Variants in SULF1 observed in about 807,000 individuals in gnomAD.
The protein encoded by SULF1 is sulfatase 1, also known as extracellular sulfatase Sulf-1.
A neutral mutation model predicts 110.5 loss-of-function variants in SULF1; 46 were observed. That is an observed-to-expected ratio of 0.42 (90% CI 0.33 to 0.53). SULF1 has a LOEUF of 0.53. Ranked by LOEUF, SULF1 falls within the 20% of genes least tolerant of loss-of-function variation. The probability of loss-of-function intolerance (pLI) is 0.12; values close to 1 mark genes in which losing one functional copy is unlikely to be tolerated. For synonymous variants in SULF1, 371 were observed against 387.1 expected (o/e 0.96, Z 0.49); for missense variants, 941 against 1,094.2 (o/e 0.86, Z 1.98).
chr8:69,470,799 T>A (rs1411343258), intron 1 of SULF1, among the ~76,000 whole-genome samples: 1 of 152,196 alleles, frequency 6.6e-6, no homozygotes, highest in Non-Finnish European at 1.5e-5. Context: ...TGGCCCGAAC[T>A]TTCCAACCAT....
At chr8:69,590,270 TCCCAC>T (rs975167085) in intron 8 of SULF1, among the ~76,000 whole-genome samples, 1 of 152,146 alleles carries the variant, frequency 6.6e-6, no homozygotes, top group Non-Finnish European at 1.5e-5. Context: ...CAAACAATTC[TCCCAC>T]CTCAGGCTTC....
intron 5 of SULF1, among the ~76,000 whole-genome samples, chr8:69,565,532 T>C (rs149246595): frequency 3.3e-5 from 5 of 152,198 alleles, no homozygotes; most frequent in African/African-American, 1.2e-4. Context: ...ATCTCACCCA[T>C]CCATCGCTTT....
intron 22 of SULF1, among the ~76,000 whole-genome samples, chr8:69,645,418 GA>G (rs1379867320): frequency 6.6e-6 from 1 of 152,136 alleles, no homozygotes; most frequent in Non-Finnish European, 1.5e-5. Context: ...TATATAGGGG[GA>G]AAATGTGCCC....
chr8:69,623,667 C>G (rs72658282), intron 14 of SULF1, among the ~76,000 whole-genome samples: 1 of 152,168 alleles, frequency 6.6e-6, no homozygotes, highest in African/African-American at 2.4e-5. Context: ...CCTGGACTAA[C>G]CCCCTCACTT....
At chr8:69,527,663 CAGAT>C (rs144449545) in intron 3 of SULF1, among the ~76,000 whole-genome samples, 223 of 152,184 alleles carry the variant, frequency 1.5e-3, no homozygotes, top group African/African-American at 5.0e-3. Context: ...ATATAGAGGA[CAGAT>C]AGATAGAGTG....
At chr8:69,581,936 G>A (rs1327163004) in intron 6 of SULF1, among the ~76,000 whole-genome samples, 1 of 152,104 alleles carries the variant, frequency 6.6e-6, no homozygotes, top group Non-Finnish European at 1.5e-5. Flanking sequence ...CTGGAATACT[G>A]AGTACATTTC....
chr8:69,581,493 C>G (rs1806059573), intron 6 of SULF1, among the ~76,000 whole-genome samples: 1 of 152,156 alleles, frequency 6.6e-6, no homozygotes, highest in Non-Finnish European at 1.5e-5. Context: ...CCAACCCCCA[C>G]CACCTTCTTA....
chr8:69,626,626 C>G (rs1179391250), intron 15 of SULF1, among the ~76,000 whole-genome samples: 1 of 152,232 alleles, frequency 6.6e-6, no homozygotes, highest in African/African-American at 2.4e-5. Context: ...GAGGCCTGCC[C>G]TGCGGGAAGG....
chr8:69,638,280 G>T lies in SULF1; in HGVS notation c.2285-222G>T, dbSNP rs368853159. 8.8e-6 allele frequency: 5 copies of T among 570,010 alleles called. No individual in the cohort carries two copies. The African/African-American group carries it at 9.4e-5, about 11-fold the overall frequency. 35.3% of individuals were successfully genotyped at this position (570,010 alleles called of 1,614,324 possible). A position where few individuals can be genotyped will look rare whatever the true frequency, so the allele number is the denominator to read the frequency against. On this transcript the variant is annotated intron_variant, in intron 19 of 22. Coordinates refer to ENST00000402687, the MANE Select transcript of SULF1 (RefSeq NM_001128205.2). ...GCCTGAAATTTTACTTTAGTCTTCA[G>T]CCTATAAGAGATCACTATCTTTTTT...
chr8:69,554,897 C>G (rs950809485), intron 3 of SULF1, among the ~76,000 whole-genome samples: 1 of 140,756 alleles, frequency 7.1e-6, no homozygotes, highest in African/African-American at 2.6e-5. Context: ...GAGAATGGCG[C>G]GAACCTGGGA....
chr8:69,604,919 A>G lies in SULF1; in HGVS notation c.1364A>G (p.Glu455Gly). ...CAGGCCAGGTACCAGACAGCCTGTG[A>G]ACAACCGGGGCAGGTGAGTGACGCA... ...CQQARYQTAC[E>G]QPGQKWQCIE... Residue 455 changes from glutamate (E) to glycine (G), a missense_variant, in exon 13 of 23, where the codon GAA (glutamate) becomes GGA (glycine). Coordinates refer to ENST00000402687, the MANE Select transcript of SULF1 (RefSeq NM_001128205.2). 6.8e-6 allele frequency: 11 copies of G among 1,614,208 alleles called. No individual in the cohort carries two copies. The highest frequency in any genetic ancestry group is 9.3e-6 in the Non-Finnish European group (11 of 1,180,032).
intron 19 of SULF1, among the ~76,000 whole-genome samples, chr8:69,632,578 A>C (rs958498993): frequency 2.0e-5 from 3 of 152,158 alleles, no homozygotes; most frequent in Non-Finnish European, 4.4e-5. Context: ...AGAAGAAGAA[A>C]AGAAAAGTCA....
Position 69,565,439 on chromosome 8 carries a change from G to A in SULF1, c.172+1292G>A, listed in dbSNP as rs552334554. Among the ~76,000 whole-genome samples the A allele has an allele frequency of 3.3e-5, 5 of 152,194 alleles. No homozygotes were observed. In the East Asian group the frequency reaches 7.7e-4, roughly 23 times the overall value. ...TAGTTTAGTGCCTAATGTGTTAATA[G>A]CACAGTCTCTGCATGAGGATTGCAA... On this transcript the variant is annotated intron_variant, in intron 5 of 22. Transcript: ENST00000402687.
chr8:69,475,584 G>T (rs1257409980), intron 1 of SULF1, among the ~76,000 whole-genome samples: 1 of 152,138 alleles, frequency 6.6e-6, no homozygotes, highest in Non-Finnish European at 1.5e-5. Flanking sequence ...CAGGGAAATG[G>T]TGGCTCAATC....
chr8:69,553,948 A>G (rs1814903669), intron 3 of SULF1, among the ~76,000 whole-genome samples: 1 of 152,228 alleles, frequency 6.6e-6, no homozygotes, highest in East Asian at 1.9e-4. Context: ...TCAGGTTTTA[A>G]TAAACCTCCT....
intron 1 of SULF1, among the ~76,000 whole-genome samples, chr8:69,475,469 G>A (rs956079208): frequency 8.5e-5 from 13 of 152,052 alleles, no homozygotes; most frequent in African/African-American, 2.9e-4. Flanking sequence ...GGAAAGGATG[G>A]GTGTAAGAAA....
intron 3 of SULF1, among the ~76,000 whole-genome samples, chr8:69,543,974 A>G (rs1814047709): frequency 6.6e-6 from 1 of 152,214 alleles, no homozygotes; most frequent in African/African-American, 2.4e-5. Flanking sequence ...ATTTTCCATG[A>G]CAGGAAACAC....
intron 8 of SULF1, among the ~76,000 whole-genome samples, chr8:69,590,269 C>T (rs763989406): frequency 6.6e-6 from 1 of 152,076 alleles, no homozygotes; most frequent in Non-Finnish European, 1.5e-5. Flanking sequence ...TCAAACAATT[C>T]TCCCACCTCA....
chr8:69,575,293 A>T (rs1805522715), intron 5 of SULF1, among the ~76,000 whole-genome samples: 3 of 151,950 alleles, frequency 2.0e-5, no homozygotes, highest in African/African-American at 7.3e-5. Context: ...AATACTTTCG[A>T]GTGCAATCGA....
Sources: allele counts gnomAD v4.1 joint callset (sites outside exome capture counted in the v4.1 genomes callset), GRCh38; gene constraint gnomAD v4.1.1; transcripts MANE v1.5; gene names NCBI Gene and HGNC (gene_info 2026-07-23, HGNC 2026-07-21).